MAML3: variants seen among roughly 807,000 people sequenced by gnomAD.
MAML3 encodes the protein mastermind like transcriptional coactivator 3, also known as mastermind-like protein 3.
A neutral mutation model predicts 101.9 loss-of-function variants in MAML3; 27 were observed. That is an observed-to-expected ratio of 0.27 (90% confidence interval 0.20 to 0.37). MAML3 has a LOEUF of 0.37. Among genes scored for constraint, MAML3 ranks in the 10% least tolerant of loss-of-function variants. MAML3 has a pLI of 1.00. For missense variants in MAML3, 1,316 were observed against 1,444.9 expected, an observed-to-expected ratio of 0.91 and a Z score of 1.45; for synonymous variants, 501 against 555.9, an observed-to-expected ratio of 0.90 and a Z score of 1.39.
chr4:140,122,958 C>T (rs1728632186), intron 1 of MAML3, among the ~76,000 whole-genome samples: 1 of 152,100 alleles, frequency 6.6e-6, no homozygotes, highest in Non-Finnish European at 1.5e-5. Flanking sequence ...ACTTTTCTTA[C>T]TATCTCATCC....
At position 139,889,798 on chromosome 4, in the gene MAML3, G is replaced by A; in HGVS notation, c.1638C>T (p.Ala546=). Residue 546 remains alanine, a synonymous_variant, in exon 2 of 5, where the codon GCC becomes GCT. Coordinates refer to ENST00000509479, the MANE Select transcript of MAML3 (RefSeq NM_018717.5). The part of the protein sequence containing the change: ...KPNSPMMYPQ[A]FNNQNPIVPP... ...GCACTATAGGGTTTTGGTTGTTAAA[G>A]GCTTGGGGGTACATCATTGGGCTAT... The A allele has an allele frequency of 6.2e-7, 1 of 1,614,002 alleles. No individual in the cohort carries two copies. The highest frequency in any genetic ancestry group is 1.1e-5 in the South Asian group (1 of 91,084).
At chr4:139,872,359 T>C (rs1732027965) in intron 2 of MAML3, among the ~76,000 whole-genome samples, 1 of 152,222 alleles carries the variant, frequency 6.6e-6, no homozygotes, top group Non-Finnish European at 1.5e-5. Context: ...AGGTGATTCA[T>C]ATTTGAATGG....
At chr4:140,128,928 T>C (rs1448625155) in intron 1 of MAML3, among the ~76,000 whole-genome samples, 3 of 152,108 alleles carry the variant, frequency 2.0e-5, no homozygotes, top group African/African-American at 7.2e-5. Context: ...TCCACTAGCA[T>C]AGGTAGTCTT....
intron 1 of MAML3, among the ~76,000 whole-genome samples, chr4:139,997,490 AT>A (rs1455739860): frequency 1.3e-5 from 2 of 150,126 alleles, no homozygotes; most frequent in African/African-American, 5.1e-5. Context: ...TATATATTAT[AT>A]GTCATATACA....
In MAML3 at chr4:139,890,624, C is replaced by T; in HGVS notation, c.812G>A (p.Ser271Asn). ...GAGAGGTTCTTGTTTGAGGTCTTTG[C>T]TCTGCAAGATGGTGAAGCTATCCTC... ...DLEDSFTILQ[S>N]KDLKQEPLDD... The change falls in exon 2 of 5, where the codon AGC (serine) becomes AAC (asparagine). Residue 271 changes from serine (S) to asparagine (N), a missense_variant. Coordinates refer to ENST00000509479, the MANE Select transcript of MAML3 (RefSeq NM_018717.5). This position sits in a 1 kb window ranked among gnomAD's most constrained non-coding sequence, Gnocchi z 4.1. 6.2e-7 allele frequency: 1 copy of T among 1,613,964 alleles called. No homozygotes were observed. Among genetic ancestry groups the T allele is most frequent in the Non-Finnish European group, 8.5e-7 (1 of 1,179,834 alleles).
chr4:140,020,741 C>T (rs1726718959), intron 1 of MAML3, among the ~76,000 whole-genome samples: 1 of 152,122 alleles, frequency 6.6e-6, no homozygotes, highest in African/African-American at 2.4e-5. Context: ...CCAGATACTG[C>T]TTGTTGGACA....
Position 139,842,442 on chromosome 4 carries a change from G to A in MAML3, c.2079+46915C>T, listed in dbSNP as rs551294982. Among the ~76,000 whole-genome samples the A allele has an allele frequency of 1.3e-4, 20 of 152,278 alleles. No homozygotes were observed. The East Asian group carries it at 1.4e-3, about 10-fold the overall frequency. On this transcript the variant is annotated intron_variant, in intron 2 of 4. Transcript: ENST00000509479. ...AAAACAGAAAGAGAAGAGAACTCAC[G>A]TTTACTGCATTCATGAGCATCTACT...
At chr4:139,827,538 GA>G (rs143373950) in intron 2 of MAML3, among the ~76,000 whole-genome samples, 4,126 of 152,198 alleles carry the variant, frequency 0.027, 66 homozygotes, top group Admixed American at 0.037. Context: ...GACTAGGGGG[GA>G]AAAAACAGAA....
rs796792385 is a variant in MAML3 at position 140,122,664 on chromosome 4, C to T, written c.468+30196G>A. On this transcript the variant is annotated intron_variant, in intron 1 of 4. Transcript: ENST00000509479. Reference sequence around the variant, plus strand: ...AAAATTAGCCGGGCGTAGTGGCGGGCGCCTGTAGTCCCAGCTACTTGGGAG... The same window carrying T: ...AAAATTAGCCGGGCGTAGTGGCGGGTGCCTGTAGTCCCAGCTACTTGGGAG... 1.0e-3 allele frequency among the ~76,000 whole-genome samples: 155 copies of T among 150,474 alleles called. 1 individual carries two copies. Among genetic ancestry groups the T allele is most frequent in the African/African-American group, 3.3e-3 (136 of 41,272 alleles).
At chr4:139,982,289 C>G (rs909008367) in intron 1 of MAML3, among the ~76,000 whole-genome samples, 1 of 152,178 alleles carries the variant, frequency 6.6e-6, no homozygotes, top group Non-Finnish European at 1.5e-5. Context: ...GTTCAGTTGG[C>G]TCCCGTGCCC....
intron 2 of MAML3, among the ~76,000 whole-genome samples, chr4:139,878,992 G>GA (rs1257123180): frequency 6.6e-6 from 1 of 152,132 alleles, no homozygotes; most frequent in African/African-American, 2.4e-5. Context: ...TCTCTTGGAG[G>GA]AAAAATCCCA....
intron 1 of MAML3, among the ~76,000 whole-genome samples, chr4:140,002,528 C>T (rs1734943114): frequency 6.6e-6 from 1 of 152,198 alleles, no homozygotes; most frequent in African/African-American, 2.4e-5. Context: ...TTTCATGATA[C>T]ATTTGTAAAT....
intron 1 of MAML3, among the ~76,000 whole-genome samples, chr4:140,066,487 C>T (rs1727538312): frequency 6.6e-6 from 1 of 152,296 alleles, no homozygotes; most frequent in Middle Eastern, 3.4e-3. Flanking sequence ...AGAGTGCTCC[C>T]TAATGAAGTA....
chr4:139,990,032 T>A (rs1489536357), intron 1 of MAML3, among the ~76,000 whole-genome samples: 2 of 152,168 alleles, frequency 1.3e-5, no homozygotes, highest in African/African-American at 4.8e-5. Context: ...TAGGATGGAA[T>A]CAGAAGAAAT....
intron 1 of MAML3, among the ~76,000 whole-genome samples, chr4:140,007,272 C>T (rs1007311597): frequency 3.3e-5 from 5 of 152,160 alleles, no homozygotes; most frequent in Middle Eastern, 3.4e-3. Context: ...GACCTCATAG[C>T]GGCTAAAAAT....
At position 140,005,330 on chromosome 4, in the gene MAML3, G is replaced by A. The variant is rs1215022198; in HGVS notation, c.469-114363C>T. On this transcript the variant is annotated intron_variant, in intron 1 of 4. Coordinates refer to ENST00000509479, the MANE Select transcript of MAML3 (RefSeq NM_018717.5). ...ATTCCTTAACCTGGAAACATTAGGA[G>A]GAAATAATCAATTCAGAAGAACTGA... is the stretch of plus-strand genomic sequence containing the variant. Among the ~76,000 whole-genome samples, 3 of 152,150 alleles carry A rather than the reference G, an allele frequency of 2.0e-5. No homozygotes were observed. The South Asian group carries it at 6.2e-4, about 31-fold the overall frequency.
In MAML3 at chr4:140,069,390, G is replaced by A. The variant is rs866614900; in HGVS notation, c.468+83470C>T. On this transcript the variant is annotated intron_variant, in intron 1 of 4. Transcript: ENST00000509479. ...GAAGAAGAAGAAGAAGAAGAAGGAG[G>A]AGGAGGAGGAGGAGGAGGAGGAGGA... Among the ~76,000 whole-genome samples, 553 of 92,054 alleles carry A rather than the reference G, an allele frequency of 6.0e-3. 20 individuals are homozygous for A. The highest frequency in any genetic ancestry group is 0.025 in the African/African-American group (507 of 20,100). The allele number at this position is 92,054 out of a possible 152,430, so 60.4% of individuals were successfully genotyped here.
chr4:140,100,722 C>G (rs1728239954), intron 1 of MAML3, among the ~76,000 whole-genome samples: 1 of 152,074 alleles, frequency 6.6e-6, no homozygotes, highest in South Asian at 2.1e-4. Context: ...AAAATGACCA[C>G]AAATTCTTTG....
chr4:139,995,251 C>T (rs1734785424), intron 1 of MAML3, among the ~76,000 whole-genome samples: 1 of 152,152 alleles, frequency 6.6e-6, no homozygotes, highest in Non-Finnish European at 1.5e-5. Flanking sequence ...ATAAATCCCA[C>T]CTGATCATGG....
Sources: gnomAD v4.1 joint callset for allele counts (sites outside exome capture counted in the v4.1 genomes callset) on GRCh38, gnomAD v4.1.1 for gene constraint, Gnocchi (gnomAD v3.1) non-coding constraint, MANE v1.5 for transcripts, NCBI Gene and HGNC (gene_info 2026-07-23, HGNC 2026-07-21) for gene names.